The following PTPRG variants were observed in gnomAD, a reference collection of about 807,000 sequenced individuals.
PTPRG encodes receptor-type tyrosine-protein phosphatase gamma.
A neutral mutation model predicts 165.3 loss-of-function variants in PTPRG; 102 were observed. The observed-to-expected ratio is 0.62, with a 90% confidence interval of 0.53 to 0.73. The LOEUF is 0.73. Ranked by LOEUF, PTPRG falls within the 30% of genes least tolerant of loss-of-function variation. The pLI, the probability that PTPRG is intolerant of heterozygous loss-of-function variation, is 0.00. For missense variants in PTPRG, 1,866 were observed against 1,861.4 expected, an observed-to-expected ratio of 1.00 and a Z score of -0.05; for synonymous variants, 675 against 669.5, an observed-to-expected ratio of 1.01 and a Z score of -0.13.
chr3:61,571,547 G>T lies in PTPRG; in HGVS notation c.85+9175G>T, dbSNP rs546859884. Among the ~76,000 whole-genome samples, 5 of 152,226 alleles carry T rather than the reference G, an allele frequency of 3.3e-5. No homozygotes were observed. In the East Asian group the frequency reaches 7.7e-4, roughly 24 times the overall value. ...TTAGTATAGGATTTTATTTGGTTAC[G>T]TTGAAGAGATGACCTTTCAGCAAAT... On this transcript the variant is annotated intron_variant, in intron 1 of 29. Coordinates refer to ENST00000474889, the MANE Select transcript of PTPRG (RefSeq NM_002841.4).
chr3:61,986,044 T>G (rs1367770209), intron 2 of PTPRG, among the ~76,000 whole-genome samples: 1 of 151,644 alleles, frequency 6.6e-6, no homozygotes, highest in African/African-American at 2.4e-5. Context: ...AAGAAGTCAG[T>G]AGATAGATGG....
intron 5 of PTPRG, among the ~76,000 whole-genome samples, chr3:62,113,753 T>G (rs1017190075): frequency 6.6e-6 from 1 of 152,222 alleles, no homozygotes; most frequent in African/African-American, 2.4e-5. Context: ...ACGAAACTAC[T>G]ATAAAGTGGT....
intron 2 of PTPRG, among the ~76,000 whole-genome samples, chr3:61,943,721 C>G (rs1384142372): frequency 1.3e-5 from 2 of 152,216 alleles, no homozygotes; most frequent in African/African-American, 4.8e-5. Flanking sequence ...TAAAATATTA[C>G]TCTCTTCATG....
At chr3:62,188,486 C>G (rs1699720675) in intron 8 of PTPRG, among the ~76,000 whole-genome samples, 1 of 152,112 alleles carries the variant, frequency 6.6e-6, no homozygotes, top group African/African-American at 2.4e-5. Context: ...TGTTGGAGTC[C>G]CAGAATGTTC....
chr3:61,949,817 G>A (rs1222764090), intron 2 of PTPRG, among the ~76,000 whole-genome samples: 3 of 151,502 alleles, frequency 2.0e-5, no homozygotes, highest in South Asian at 2.1e-4. Flanking sequence ...GCGTGATCTC[G>A]GCTCACTGCA....
At chr3:62,166,897 T>C (rs919256286) in intron 7 of PTPRG, among the ~76,000 whole-genome samples, 13 of 151,958 alleles carry the variant, frequency 8.6e-5, no homozygotes, top group Admixed American at 8.5e-4. Flanking sequence ...TTGTCTGGGC[T>C]ACTCTCCAAC....
chr3:62,191,844 G>A (rs1307833267), intron 9 of PTPRG, among the ~76,000 whole-genome samples, 191 bp downstream of exon 9: 2 of 152,126 alleles, frequency 1.3e-5, no homozygotes, highest in African/African-American at 2.4e-5. Context: ...CTGCCTGGGC[G>A]CCATCCTGAC....
intron 3 of PTPRG, 63 bp downstream of exon 3, chr3:61,989,867 G>T (rs1199219170): frequency 3.6e-5 from 56 of 1,566,822 alleles, no homozygotes; most frequent in Non-Finnish European, 4.9e-5. Context: ...TGTCTCTGGT[G>T]TTTTCCTTAA....
intron 28 of PTPRG, among the ~76,000 whole-genome samples, chr3:62,287,807 GCA>G (rs1702727198): frequency 6.6e-6 from 1 of 152,084 alleles, no homozygotes; most frequent in South Asian, 2.1e-4. Context: ...AAGAGAGACT[GCA>G]CAGAGAGACC....
intron 9 of PTPRG, among the ~76,000 whole-genome samples, chr3:62,192,530 TCCCAAGTAGC>T (rs1196834436): frequency 6.8e-6 from 1 of 146,596 alleles, no homozygotes; most frequent in Non-Finnish European, 1.5e-5. Flanking sequence ...TGCCTCAGCC[TCCCAAGTAGC>T]TGGGACTACA....
intron 1 of PTPRG, among the ~76,000 whole-genome samples, chr3:61,595,187 T>G (rs4621322): frequency 6.7e-6 from 1 of 150,102 alleles, no homozygotes; most frequent in African/African-American, 2.4e-5. Flanking sequence ...ATGTGTTTGT[T>G]TTTTTTTTTT....
At chr3:62,057,522 G>A (rs1228276444) in intron 4 of PTPRG, among the ~76,000 whole-genome samples, 1 of 152,136 alleles carries the variant, frequency 6.6e-6, no homozygotes, top group Non-Finnish European at 1.5e-5. Flanking sequence ...ATTTTCTCTT[G>A]GCCCCAGGCC....
chr3:62,251,869 T>C (rs1445934784), intron 15 of PTPRG, among the ~76,000 whole-genome samples: 3 of 152,110 alleles, frequency 2.0e-5, no homozygotes, highest in Admixed American at 6.5e-5. Flanking sequence ...CTCGGTTTCC[T>C]TATGTGCACT....
At chr3:61,986,948 T>C (rs251037) in intron 2 of PTPRG, among the ~76,000 whole-genome samples, 67,876 of 151,966 alleles carry the variant, frequency 0.45, 16,241 homozygotes, top group East Asian at 0.6. Context: ...TAAAAGTATT[T>C]ATTCAAATTT....
intron 1 of PTPRG, among the ~76,000 whole-genome samples, chr3:61,582,820 A>C (rs946024855): frequency 1.8e-4 from 27 of 152,220 alleles, no homozygotes; most frequent in African/African-American, 5.5e-4. Flanking sequence ...ATGTGTTAGC[A>C]CTTTGCTTCG....
At chr3:62,177,803 CTG>C (rs1295789504) in intron 8 of PTPRG, among the ~76,000 whole-genome samples, 1 of 152,180 alleles carries the variant, frequency 6.6e-6, no homozygotes, top group Non-Finnish European at 1.5e-5. Context: ...AGTTTCCTGA[CTG>C]CCTTGACCCA....
intron 5 of PTPRG, 104 bp downstream of exon 5, chr3:62,078,362 A>T (rs1381458713): frequency 2.9e-6 from 2 of 687,742 alleles, no homozygotes; most frequent in African/African-American, 3.7e-5. Context: ...TCTAGTTCAC[A>T]CCTGTCCAAA....
chr3:62,119,882 C>T (rs1703001301), intron 5 of PTPRG, among the ~76,000 whole-genome samples: 1 of 151,054 alleles, frequency 6.6e-6, no homozygotes, highest in Admixed American at 6.6e-5. Context: ...GATCTGCCCA[C>T]CTTGGGCTCC....
At chr3:62,243,919 A>C in intron 15 of PTPRG, 21 bp downstream of exon 15, 1 of 1,324,896 alleles carries the variant, frequency 7.5e-7, no homozygotes, top group Non-Finnish European at 1.1e-6. Flanking sequence ...CACTGCTCTT[A>C]TTTCCAATGG....
Sources: gnomAD v4.1 joint callset for allele counts (sites outside exome capture counted in the v4.1 genomes callset) on GRCh38, gnomAD v4.1.1 for gene constraint, MANE v1.5 for transcripts, NCBI Gene and HGNC (gene_info 2026-07-23, HGNC 2026-07-21) for gene names.